NIPAL2: variants seen among roughly 807,000 people sequenced by gnomAD.
NIPAL2 encodes NIPA like domain containing 2.
Under a neutral mutation model 48.9 loss-of-function variants are expected in NIPAL2, and 43 were observed. The ratio of observed to expected loss-of-function variants is 0.88; its 90% CI spans 0.69 to 1.13. The LOEUF is 1.13. NIPAL2 is among the 50% of genes most tolerant of loss of function. NIPAL2 has a pLI of 0.00. For missense variants in NIPAL2, 446 were observed against 461.4 expected (o/e 0.97, Z 0.31); for synonymous variants, 167 against 174.6 (o/e 0.96, Z 0.34).
chr8:98,257,347 CTTTTTTTT>C (rs1162654230), intron 1 of NIPAL2, among the ~76,000 whole-genome samples: 2 of 58,010 alleles, frequency 3.4e-5, no homozygotes, highest in East Asian at 7.3e-4. Context: ...TTCTTTCTTT[CTTTTTTTT>C]TTTTTTTTTT....
At chr8:98,208,176 T>C (rs1029018809) in intron 6 of NIPAL2, among the ~76,000 whole-genome samples, 7 of 152,226 alleles carry the variant, frequency 4.6e-5, no homozygotes, top group African/African-American at 1.7e-4. Context: ...ATTTTCGTAA[T>C]TGTCAATAAT....
At chr8:98,222,105 TA>T (rs1586338607) in intron 5 of NIPAL2, among the ~76,000 whole-genome samples, 2 of 152,140 alleles carry the variant, frequency 1.3e-5, no homozygotes, top group Admixed American at 1.3e-4. Flanking sequence ...TATGTAGCCA[TA>T]AAAAACAAGG....
chr8:98,244,258 G>A (rs1477605126), intron 3 of NIPAL2, among the ~76,000 whole-genome samples: 1 of 147,032 alleles, frequency 6.8e-6, no homozygotes, highest in African/African-American at 2.5e-5. Context: ...GGGCTCTGGT[G>A]ATGAAGACGG....
rs777837531 is a variant in NIPAL2, at chr8:98,242,753, C to T, written c.377-6539G>A. On this transcript the variant is annotated intron_variant, in intron 3 of 10. Transcript: ENST00000430223. ...CCCGCCTTGGCCTCGCAAAGTGCTA[C>T]GATTACAGGAGTGAGCCACCGCGCC... 8.6e-5 allele frequency among the ~76,000 whole-genome samples: 13 copies of T among 151,984 alleles called. No individual in the cohort carries two copies. The South Asian group carries it at 1.5e-3, about 17-fold the overall frequency.
At chr8:98,238,686 ACTT>A (rs1252504128) in intron 3 of NIPAL2, among the ~76,000 whole-genome samples, 61 of 150,114 alleles carry the variant, frequency 4.1e-4, no homozygotes, top group Non-Finnish European at 7.5e-4. Context: ...CGGGCAGGTT[ACTT>A]ACAGGAATGG....
At chr8:98,246,222 A>G (rs966660919) in intron 3 of NIPAL2, among the ~76,000 whole-genome samples, 9 of 152,228 alleles carry the variant, frequency 5.9e-5, no homozygotes, top group Non-Finnish European at 1.2e-4. Flanking sequence ...TGGCTCTGCT[A>G]TGACCGTCGT....
intron 3 of NIPAL2, among the ~76,000 whole-genome samples, chr8:98,246,686 T>C (rs1299640227): frequency 2.6e-5 from 4 of 152,196 alleles, no homozygotes; most frequent in Non-Finnish European, 5.9e-5. Flanking sequence ...TCTAAAGTAT[T>C]GCCCGAATTT....
chr8:98,272,431 A>T (rs1815193155), intron 1 of NIPAL2, among the ~76,000 whole-genome samples: 1 of 152,224 alleles, frequency 6.6e-6, no homozygotes, highest in African/African-American at 2.4e-5. Context: ...AGGGAGATTT[A>T]TTGAATACCA....
intron 8 of NIPAL2, among the ~76,000 whole-genome samples, chr8:98,201,732 A>G (rs548373625): frequency 2.6e-5 from 4 of 152,328 alleles, no homozygotes; most frequent in South Asian, 2.1e-4. Flanking sequence ...TCAATATGCA[A>G]TCTTTTCTTA....
At chr8:98,204,890 C>A (rs182712632) in intron 7 of NIPAL2, among the ~76,000 whole-genome samples, 19 of 151,924 alleles carry the variant, frequency 1.3e-4, no homozygotes, top group Admixed American at 2.6e-4. Flanking sequence ...ATTAAGGCTG[C>A]GCTTTAGAAC....
At chr8:98,235,909 A>G (rs1395392674) in intron 4 of NIPAL2, among the ~76,000 whole-genome samples, 3 of 151,578 alleles carry the variant, frequency 2.0e-5, no homozygotes, top group Non-Finnish European at 2.9e-5. Context: ...ATTCATTATA[A>G]TTATTAATTA....
intron 1 of NIPAL2, among the ~76,000 whole-genome samples, chr8:98,283,306 C>T (rs988712658): frequency 3.3e-5 from 5 of 152,126 alleles, no homozygotes; most frequent in Non-Finnish European, 7.4e-5. Flanking sequence ...ATGGAAAAAG[C>T]AATACATTTA....
At chr8:98,227,532 G>A (rs908923874) in intron 4 of NIPAL2, among the ~76,000 whole-genome samples, 1 of 152,186 alleles carries the variant, frequency 6.6e-6, no homozygotes, top group Non-Finnish European at 1.5e-5. Context: ...GGCCCAGGGT[G>A]TGTCGAGAAA....
intron 4 of NIPAL2, among the ~76,000 whole-genome samples, chr8:98,235,735 C>A (rs116906923): frequency 0.012 from 1,874 of 151,612 alleles, 17 homozygotes; most frequent in Non-Finnish European, 0.017. Flanking sequence ...AAAATATGAT[C>A]TCCCTGGAAG....
At chr8:98,240,627 T>C (rs1361952587) in intron 3 of NIPAL2, among the ~76,000 whole-genome samples, 1 of 152,220 alleles carries the variant, frequency 6.6e-6, no homozygotes, top group African/African-American at 2.4e-5. Flanking sequence ...AGCTGAGCTG[T>C]CTTCAACTCA....
chr8:98,243,691 T>C (rs16896845), intron 3 of NIPAL2, among the ~76,000 whole-genome samples: 5,573 of 152,306 alleles, frequency 0.037, 367 homozygotes, highest in African/African-American at 0.13. Flanking sequence ...TTGAGGTTCT[T>C]CTGTAATAGC....
chr8:98,241,103 C>A (rs969199744), intron 3 of NIPAL2, among the ~76,000 whole-genome samples: 2 of 152,170 alleles, frequency 1.3e-5, no homozygotes, highest in African/African-American at 2.4e-5. Context: ...AGAGACAGGT[C>A]CTCTGTTTTC....
At chr8:98,254,987 T>A (rs1813792239) in intron 1 of NIPAL2, among the ~76,000 whole-genome samples, 1 of 152,204 alleles carries the variant, frequency 6.6e-6, no homozygotes. Context: ...CCTCCCTTAT[T>A]TACTCTTTTA....
intron 4 of NIPAL2, among the ~76,000 whole-genome samples, chr8:98,229,213 G>A (rs894748552): frequency 4.6e-5 from 7 of 152,162 alleles, no homozygotes; most frequent in African/African-American, 1.7e-4. Context: ...ATAATCGTCT[G>A]GTGGGAATCT....
Sources: allele counts gnomAD v4.1 joint callset (sites outside exome capture counted in the v4.1 genomes callset), GRCh38; gene constraint gnomAD v4.1.1; transcripts MANE v1.5; gene names NCBI Gene and HGNC (gene_info 2026-07-23, HGNC 2026-07-21).